Variants in SHC3 observed in about 807,000 individuals in gnomAD.
The protein encoded by SHC3 is SHC adaptor protein 3.
A neutral mutation model predicts 60.4 loss-of-function variants in SHC3; 15 were observed. That is an observed-to-expected ratio of 0.25 (90% CI 0.17 to 0.38). SHC3 has a LOEUF of 0.38. SHC3 is among the 10% of genes least tolerant of loss of function. The pLI is 1.00. For missense variants in SHC3, 677 were observed against 786.1 expected (o/e 0.86, Z 1.66); for synonymous variants, 294 against 325.9 (o/e 0.90, Z 1.05).
At chr9:89,044,541 A>C (rs1312887389) in intron 9 of SHC3, among the ~76,000 whole-genome samples, 1 of 152,248 alleles carries the variant, frequency 6.6e-6, no homozygotes, top group Non-Finnish European at 1.5e-5. Flanking sequence ...CATCCCCTTC[A>C]GATCTTATAG....
chr9:89,167,303 C>T (rs1826803484), intron 1 of SHC3, among the ~76,000 whole-genome samples: 1 of 152,204 alleles, frequency 6.6e-6, no homozygotes, highest in East Asian at 1.9e-4. Flanking sequence ...AAAGTCACAG[C>T]TCAGTTCTCT....
At chr9:89,061,308 A>G (rs1266810233) in intron 6 of SHC3, among the ~76,000 whole-genome samples, 1 of 152,236 alleles carries the variant, frequency 6.6e-6, no homozygotes, top group Non-Finnish European at 1.5e-5. Flanking sequence ...ACTTCCACCA[A>G]TGAGTTCAAA....
chr9:89,049,858 TA>T (rs1824834466), intron 7 of SHC3, among the ~76,000 whole-genome samples: 1 of 152,250 alleles, frequency 6.6e-6, no homozygotes, highest in South Asian at 2.1e-4. Context: ...CCATTTTCTG[TA>T]AGTCATTTTC....
At chr9:89,169,216 A>T (rs1313821273) in intron 1 of SHC3, among the ~76,000 whole-genome samples, 1 of 152,196 alleles carries the variant, frequency 6.6e-6, no homozygotes, top group East Asian at 1.9e-4. Flanking sequence ...CCTGCCGGAC[A>T]CTGAGCAGAG....
chr9:89,134,169 G>C (rs1826288558), intron 1 of SHC3, among the ~76,000 whole-genome samples: 1 of 152,084 alleles, frequency 6.6e-6, no homozygotes, highest in Non-Finnish European at 1.5e-5. Flanking sequence ...CAATATGCAA[G>C]GAGTGTAAGG....
At chr9:89,042,621 C>T (rs547608301) in intron 9 of SHC3, among the ~76,000 whole-genome samples, 1 of 152,314 alleles carries the variant, frequency 6.6e-6, no homozygotes, top group South Asian at 2.1e-4. Flanking sequence ...TATAAATTAA[C>T]TTCATTCAAG....
At chr9:89,129,987 A>G (rs1323314730) in intron 1 of SHC3, among the ~76,000 whole-genome samples, 2 of 152,226 alleles carry the variant, frequency 1.3e-5, no homozygotes, top group Non-Finnish European at 1.5e-5. Context: ...GTCAAGACCC[A>G]TCAGTGTGCT....
At chr9:89,108,016 C>T (rs1039297685) in intron 2 of SHC3, among the ~76,000 whole-genome samples, 2 of 152,142 alleles carry the variant, frequency 1.3e-5, no homozygotes, top group Admixed American at 6.5e-5. Flanking sequence ...TTTCTATGCT[C>T]GCATATGACA....
intron 6 of SHC3, among the ~76,000 whole-genome samples, chr9:89,061,601 C>T (rs980056299): frequency 5.9e-5 from 9 of 152,218 alleles, no homozygotes; most frequent in African/African-American, 2.2e-4. Flanking sequence ...GGGTCAGCAG[C>T]ACCTAAGCAT....
chr9:89,133,311 T>C (rs1490639703), intron 1 of SHC3, among the ~76,000 whole-genome samples: 1 of 152,196 alleles, frequency 6.6e-6, no homozygotes, highest in Admixed American at 6.5e-5. Context: ...ACAGTGTTGG[T>C]GGGACTTTAA....
At chr9:89,141,313 G>C (rs984981415) in intron 1 of SHC3, among the ~76,000 whole-genome samples, 12 of 152,186 alleles carry the variant, frequency 7.9e-5, no homozygotes, top group Non-Finnish European at 1.3e-4. Context: ...CCAGGGCTGT[G>C]TTCTATCCTA....
At chr9:89,156,337 A>G (rs1486760567) in intron 1 of SHC3, among the ~76,000 whole-genome samples, 2 of 152,162 alleles carry the variant, frequency 1.3e-5, no homozygotes, top group Non-Finnish European at 2.9e-5. Context: ...CCTTCGGACG[A>G]TTACAGTCCC....
At chr9:89,168,268 C>A (rs1369125262) in intron 1 of SHC3, among the ~76,000 whole-genome samples, 1 of 152,142 alleles carries the variant, frequency 6.6e-6, no homozygotes, top group Non-Finnish European at 1.5e-5. Context: ...GAGTTCGAGA[C>A]CAGCCAGACC....
At chr9:89,069,929 G>A (rs1254420385) in intron 5 of SHC3, among the ~76,000 whole-genome samples, 2 of 152,236 alleles carry the variant, frequency 1.3e-5, no homozygotes, top group Admixed American at 6.5e-5. Flanking sequence ...TTCCAAGGTA[G>A]AAGGGGTATG....
intron 6 of SHC3, among the ~76,000 whole-genome samples, chr9:89,055,576 G>A (rs557767032): frequency 2.6e-5 from 4 of 152,174 alleles, no homozygotes; most frequent in Non-Finnish European, 5.9e-5. Context: ...GCAACTCAAC[G>A]CAAGGCCTTT....
chr9:89,016,380 G>A lies in SHC3; in HGVS notation c.1657-2805C>T, dbSNP rs143290765. On this transcript the variant is annotated intron_variant, in intron 11 of 11. Transcript: ENST00000375835. ...GGATGTAAGCTCATCCTAGGTTGAGGAACATCTGTATTATGGATGGCTCTA... is the reference window on the plus strand; with the variant it reads ...GGATGTAAGCTCATCCTAGGTTGAGAAACATCTGTATTATGGATGGCTCTA... Among the ~76,000 whole-genome samples the A allele has an allele frequency of 5.9e-4, 90 of 152,168 alleles. 1 individual carries two copies. In the East Asian group the frequency reaches 0.013, roughly 23 times the overall value.
chr9:89,141,652 C>A (rs534385433), intron 1 of SHC3, among the ~76,000 whole-genome samples: 1 of 152,040 alleles, frequency 6.6e-6, no homozygotes, highest in Admixed American at 6.5e-5. Context: ...CTGTTCTGGC[C>A]GGAGAAAAAT....
At chr9:89,154,192 G>T (rs1210020562) in intron 1 of SHC3, among the ~76,000 whole-genome samples, 1 of 151,008 alleles carries the variant, frequency 6.6e-6, no homozygotes, top group Non-Finnish European at 1.5e-5. Context: ...AGATTTTTTT[G>T]TGTGTGATTT....
At chr9:89,107,763 C>G (rs1271956726) in intron 2 of SHC3, among the ~76,000 whole-genome samples, 2 of 152,232 alleles carry the variant, frequency 1.3e-5, no homozygotes, top group African/African-American at 2.4e-5. Flanking sequence ...ATTCACATGA[C>G]TGCTCTCTGT....
Sources: allele counts gnomAD v4.1 joint callset (sites outside exome capture counted in the v4.1 genomes callset), GRCh38; gene constraint gnomAD v4.1.1; transcripts MANE v1.5; gene names NCBI Gene and HGNC (gene_info 2026-07-23, HGNC 2026-07-21).